The following IQSEC1 variants were observed in gnomAD, a reference collection of about 807,000 sequenced individuals.
The protein encoded by IQSEC1 is IQ motif and SEC7 domain-containing protein 1.
A neutral mutation model predicts 91.0 loss-of-function variants in IQSEC1; 31 were observed. The observed-to-expected ratio is 0.34, with a 90% CI of 0.26 to 0.46. The LOEUF (loss-of-function observed/expected upper bound fraction) is 0.46, where lower values mean the gene tolerates loss of function less well. Among genes scored for constraint, IQSEC1 ranks in the 20% least tolerant of loss-of-function variants. The pLI, the probability that IQSEC1 is intolerant of heterozygous loss-of-function variation, is 1.00. For synonymous variants in IQSEC1, 699 were observed against 662.6 expected, an observed-to-expected ratio of 1.05 and a Z score of -0.84; for missense variants, 1,388 against 1,575.6, an observed-to-expected ratio of 0.88 and a Z score of 2.02.
rs1163293953 is a variant in IQSEC1 at position 12,935,543 on chromosome 3, G to A, written c.1473C>T (p.Tyr491=). ...LREQTLSKQT[Y]HKEARNSWDS... is the part of the protein sequence containing the mutation. ...CCCAGCTGTTGCGGGCCTCCTTGTG[G>A]TAGGTCTGCTTGCTGAGCGTCTGCT... Residue 491 remains tyrosine (Y), a synonymous_variant, in exon 3 of 14, where the codon TAC becomes TAT. Coordinates refer to ENST00000613206, the MANE Select transcript of IQSEC1 (RefSeq NM_001134382.3). This position sits in a 1 kb window ranked among gnomAD's most constrained non-coding sequence, Gnocchi z 8.0. 10 of 1,613,986 alleles carry A rather than the reference G, an allele frequency of 6.2e-6. No homozygotes were observed. Among genetic ancestry groups the A allele is most frequent in the Non-Finnish European group, 8.5e-6 (10 of 1,180,020 alleles).
intron 1 of IQSEC1, among the ~76,000 whole-genome samples, chr3:13,275,356 G>A (rs1393376985): frequency 1.3e-5 from 2 of 152,312 alleles, no homozygotes; most frequent in Non-Finnish European, 2.9e-5. Context: ...GGCCCAGCTT[G>A]GAGGGCAGGG....
chr3:13,180,674 C>T (rs939469652), intron 1 of IQSEC1, among the ~76,000 whole-genome samples: 4 of 151,244 alleles, frequency 2.6e-5, no homozygotes, highest in African/African-American at 9.9e-5. Context: ...CTGTAACACT[C>T]ACTGCGAAGG....
At chr3:13,141,716 C>T (rs372189815) in intron 2 of IQSEC1, among the ~76,000 whole-genome samples, 22 of 152,324 alleles carry the variant, frequency 1.4e-4, no homozygotes, top group East Asian at 1.3e-3. Flanking sequence ...ACCTACATAT[C>T]AGGGGTCTGT....
intron 2 of IQSEC1, among the ~76,000 whole-genome samples, chr3:13,147,089 G>C (rs1482688650): frequency 6.6e-6 from 1 of 152,222 alleles, no homozygotes; most frequent in Non-Finnish European, 1.5e-5. Flanking sequence ...GGAAGGTAAT[G>C]GCAGGAGAGC....
rs78724856 is a variant in IQSEC1, at chr3:13,003,930, C to T, written c.24-62065G>A. Among the ~76,000 whole-genome samples, 1,269 of 152,214 alleles carry T rather than the reference C, an allele frequency of 8.3e-3. 16 individuals carry two copies. Among genetic ancestry groups the T allele is most frequent in the African/African-American group, 0.029 (1,187 of 41,502 alleles). The stretch of plus-strand genomic sequence containing the variant: ...TCTCAAATGCTTCTAAGGGAAAAAT[C>T]GGTTTTTAAGAGAAAGCAAAATTTG... On this transcript the variant is annotated intron_variant, in intron 1 of 13. Coordinates refer to ENST00000613206, the MANE Select transcript of IQSEC1 (RefSeq NM_001134382.3).
chr3:12,935,803 T>C lies in IQSEC1; in HGVS notation c.1213A>G (p.Lys405Glu). The C allele has an allele frequency of 6.2e-7, 1 of 1,607,682 alleles. No individual in the cohort carries two copies. The highest frequency in any genetic ancestry group is 2.2e-5 in the East Asian group (1 of 44,798). ...RSLGGQQGSP[K>E]HGPHSGAPKS... ...GGGGCGCCGCTGTGGGGACCATGCT[T>C]GGGACTGCCCTGCTGCCCGCCAAGG... Residue 405 changes from lysine (K) to glutamate (E), a missense_variant, in exon 3 of 14, where the codon AAG becomes GAG. Lys to Glu is a moderately conservative substitution (Grantham distance 56). Transcript: ENST00000613206. This position sits in a 1 kb window ranked among gnomAD's most constrained non-coding sequence, Gnocchi z 8.0.
chr3:12,934,862 G>A (rs1051137505), intron 3 of IQSEC1, among the ~76,000 whole-genome samples: 1 of 152,024 alleles, frequency 6.6e-6, no homozygotes, highest in Admixed American at 6.5e-5. Context: ...AAGACCCCCA[G>A]ACACAGCCCT....
chr3:13,052,853 C>T (rs1297799195), intron 1 of IQSEC1: 5 of 660,090 alleles, frequency 7.6e-6, no homozygotes, highest in Admixed American at 4.5e-5. Flanking sequence ...AAAATATATT[C>T]CCAATAAAAC....
Position 13,209,738 on chromosome 3 carries a change from C to A in IQSEC1, c.273-45605G>T, listed in dbSNP as rs1416172475. 2.0e-5 allele frequency among the ~76,000 whole-genome samples: 3 copies of A among 152,244 alleles called. No individual in the cohort carries two copies. The South Asian group carries it at 6.2e-4, about 31-fold the overall frequency. ...TCTTAAGTCCACAGCTCCTTCCTCC[C>A]GAGAGCCTGAGCGTGAATAATCCAC... On this transcript the variant is annotated intron_variant, in intron 1 of 15. Transcript: ENST00000648114.
intron 1 of IQSEC1, among the ~76,000 whole-genome samples, chr3:13,223,911 A>G (rs900187989): frequency 2.0e-5 from 3 of 152,164 alleles, no homozygotes; most frequent in African/African-American, 7.2e-5. Flanking sequence ...GAGTCACCGG[A>G]CATTAATGAG....
intron 2 of IQSEC1, among the ~76,000 whole-genome samples, chr3:13,109,165 C>A (rs367866973): frequency 6.6e-6 from 1 of 152,148 alleles, no homozygotes; most frequent in Non-Finnish European, 1.5e-5. Flanking sequence ...GACTGGCATG[C>A]GCAATGCTGC....
At chr3:13,077,312 C>A (rs575279194), upstream of IQSEC1, among the ~76,000 whole-genome samples, 2 of 152,318 alleles carry the variant, frequency 1.3e-5, no homozygotes, top group South Asian at 4.1e-4. Flanking sequence ...ATGATGGAAG[C>A]CCAGGGTCAC....
chr3:12,959,378 G>A (rs549014612), intron 1 of IQSEC1, among the ~76,000 whole-genome samples: 4 of 152,304 alleles, frequency 2.6e-5, no homozygotes, highest in South Asian at 4.1e-4. Context: ...CCCCCAATCC[G>A]ATGAGAGAGG....
chr3:13,083,931 G>A (rs1363560804), intron 2 of IQSEC1, among the ~76,000 whole-genome samples: 7 of 152,246 alleles, frequency 4.6e-5, no homozygotes, highest in Non-Finnish European at 7.3e-5. Flanking sequence ...GGAGGAGTAC[G>A]CGGTTTTCCA....
At chr3:13,085,380 A>G (rs531203291) in intron 2 of IQSEC1, among the ~76,000 whole-genome samples, 2 of 152,270 alleles carry the variant, frequency 1.3e-5, no homozygotes, top group South Asian at 4.2e-4. Flanking sequence ...GAACTGTGCA[A>G]GCAGAGGGGT....
chr3:12,978,338 GCT>G (rs1701284602), intron 1 of IQSEC1, among the ~76,000 whole-genome samples: 1 of 152,146 alleles, frequency 6.6e-6, no homozygotes, highest in Non-Finnish European at 1.5e-5. Context: ...AGCAGCCTCA[GCT>G]GGGAATCATT....
At position 12,899,164 on chromosome 3, in the gene IQSEC1, GGAGGGAT is replaced by G; in HGVS notation, c.*1812_*1818del. The stretch of plus-strand genomic sequence containing the variant: ...GATCTCAATGATATGACCGAGGGTG[GGAGGGAT>G]GTGAGGAGGGAAATCGGCAAAACCC... On this transcript the variant is annotated 3_prime_UTR_variant, in exon 14 of 14. Transcript: ENST00000613206. The G allele has an allele frequency of 1.7e-6, 1 of 581,602 alleles. No homozygotes were observed. Among genetic ancestry groups the G allele is most frequent in the Non-Finnish European group, 3.1e-6 (1 of 323,452 alleles). The allele number at this position is 581,602 out of a possible 1,614,324, so 36.0% of individuals were successfully genotyped here.
intron 1 of IQSEC1, among the ~76,000 whole-genome samples, chr3:13,166,152 T>C (rs1011155404): frequency 6.6e-6 from 1 of 152,240 alleles, no homozygotes; most frequent in Non-Finnish European, 1.5e-5. Context: ...CACAAGACCA[T>C]CAGCATTTGC....
At chr3:13,205,136 T>C (rs1694320600) in intron 1 of IQSEC1, among the ~76,000 whole-genome samples, 1 of 152,076 alleles carries the variant, frequency 6.6e-6, no homozygotes. Context: ...CAGAAAATGC[T>C]TTCCTGTGCT....
Sources: allele counts gnomAD v4.1 joint callset (sites outside exome capture counted in the v4.1 genomes callset), GRCh38; gene constraint gnomAD v4.1.1; non-coding constraint Gnocchi (gnomAD v3.1); transcripts MANE v1.5; gene names NCBI Gene and HGNC (gene_info 2026-07-23, HGNC 2026-07-21).